The following NLRC5 variants were observed in gnomAD, a reference collection of about 807,000 sequenced individuals.
The protein encoded by NLRC5 is protein NLRC5.
NLRC5 carries 114 observed loss-of-function variants against 206.9 expected under a neutral mutation model. That is an observed-to-expected ratio of 0.55 (90% CI 0.47 to 0.64). The LOEUF (loss-of-function observed/expected upper bound fraction) is 0.64. NLRC5 is among the 30% of genes least tolerant of loss of function. NLRC5 has a pLI of 0.00. For missense variants in NLRC5, 2,008 were observed against 2,305.5 expected, an observed-to-expected ratio of 0.87 and a Z score of 2.64; for synonymous variants, 952 against 962.8, an observed-to-expected ratio of 0.99 and a Z score of 0.21.
chr16:57,030,345 T>TG lies in NLRC5; in HGVS notation c.2417+262dup, dbSNP rs1170011508. Among the ~76,000 whole-genome samples, 9 of 123,744 alleles carry TG rather than the reference T, an allele frequency of 7.3e-5. No individual in the cohort carries two copies. In the Admixed American group the frequency reaches 7.4e-4, roughly 10 times the overall value. The allele number at this position is 123,744 out of a possible 152,430, so 81.2% of individuals were successfully genotyped here. ...ATGGGTGGATGAAAAGATGGATGGA[T>TG]GAATGGATGGCTGAAAAGATGGATG... On this transcript the variant is annotated intron_variant, in intron 10 of 48. Transcript: ENST00000688547.
At position 57,074,615 on chromosome 16, in the gene NLRC5, G is replaced by A; in HGVS notation, c.4683G>A (p.Leu1561=). The part of the protein sequence containing the change: ...MLKRLDLSHL[L]LNSSTLALLT... ...TCTTCTCCAGCCTCAGTCACCTTCT[G>A]CTGAACAGCTCCACCTTGGCCTTGC... Residue 1561 remains leucine, a synonymous_variant, in exon 39 of 49, where the codon CTG becomes CTA. Coordinates refer to ENST00000688547, the MANE Select transcript of NLRC5 (RefSeq NM_001384950.1). The A allele has an allele frequency of 6.2e-7, 1 of 1,613,906 alleles. No homozygotes were observed. The highest frequency in any genetic ancestry group is 8.5e-7 in the Non-Finnish European group (1 of 1,179,838).
chr16:57,020,690 T>C lies in NLRC5; in HGVS notation c.-12-11T>C. The C allele has an allele frequency of 6.4e-7, 1 of 1,554,104 alleles. No homozygotes were observed. On this transcript the variant is annotated splice_polypyrimidine_tract_variant and intron_variant, in intron 2 of 48. Transcript: ENST00000688547. The stretch of plus-strand genomic sequence containing the variant: ...TCCCCCTCAACTCACCTATCTTCCC[T>C]GTCCCTCCAGGGCTGGCTCCTCATG...
chr16:57,036,387 T>C (rs1203153884), intron 14 of NLRC5, among the ~76,000 whole-genome samples: 1 of 152,206 alleles, frequency 6.6e-6, no homozygotes, highest in African/African-American at 2.4e-5. Flanking sequence ...CTAGCACCCT[T>C]ACATGTGTAA....
chr16:57,023,727 A>C, intron 4 of NLRC5, 58 bp from the exon 5 acceptor site: 158 of 1,445,226 alleles, frequency 1.1e-4, no homozygotes, highest in Non-Finnish European at 1.4e-4. Flanking sequence ...GGTTCTGGGT[A>C]ACCCCTCAGC....
At chr16:57,021,098 G>T in intron 3 of NLRC5, 91 bp downstream of exon 3, 1 of 1,185,528 alleles carries the variant, frequency 8.4e-7, no homozygotes. Flanking sequence ...CTAAGTCAGA[G>T]AGAGGGTGTA....
At chr16:57,080,118 G>A (rs879727190) in intron 46 of NLRC5, among the ~76,000 whole-genome samples, 3 of 152,194 alleles carry the variant, frequency 2.0e-5, no homozygotes, top group African/African-American at 7.2e-5. Flanking sequence ...TGCCTCATGA[G>A]TAAACTAGAA....
intron 27 of NLRC5, among the ~76,000 whole-genome samples, chr16:57,055,763 C>T (rs2065575599): frequency 6.6e-6 from 1 of 152,200 alleles, no homozygotes; most frequent in South Asian, 2.1e-4. Flanking sequence ...TTGGGCAGCC[C>T]TCAGCCTCAA....
intron 23 of NLRC5, chr16:57,048,116 C>A (rs1297168097): frequency 6.3e-6 from 1 of 157,604 alleles, no homozygotes; most frequent in African/African-American, 2.4e-5. Flanking sequence ...ACTCCCCGGG[C>A]CTCAGCTTCT....
rs368696303 is a variant in NLRC5, at chr16:57,027,989, C to T, written c.2076-83C>T. 3 of 848,794 alleles carry T rather than the reference C, an allele frequency of 3.5e-6. No individual in the cohort carries two copies. In the Middle Eastern group the frequency reaches 6.8e-4, roughly 192 times the overall value. 52.6% of individuals were successfully genotyped at this position (848,794 alleles called of 1,614,324 possible). A position where few individuals can be genotyped will look rare whatever the true frequency, so the allele number is the denominator to read the frequency against. ...TATTTGTTAGTACTACTGTATTAAGCCCCATCTCTCTGAGGGGATGGCGAT... is the reference window on the plus strand; with the variant it reads ...TATTTGTTAGTACTACTGTATTAAGTCCCATCTCTCTGAGGGGATGGCGAT... On this transcript the variant is annotated intron_variant, in intron 6 of 48. Coordinates refer to ENST00000688547, the MANE Select transcript of NLRC5 (RefSeq NM_001384950.1).
At chr16:57,061,793 C>T (rs1240814950) in intron 32 of NLRC5, 92 bp downstream of exon 32, 2 of 1,546,960 alleles carry the variant, frequency 1.3e-6, no homozygotes, top group Non-Finnish European at 1.7e-6. Context: ...GATCATGGCC[C>T]CAGTCATTTC....
chr16:57,002,135 T>C (rs2058328086), intron 1 of NLRC5, among the ~76,000 whole-genome samples: 1 of 152,252 alleles, frequency 6.6e-6, no homozygotes, highest in Non-Finnish European at 1.5e-5. Flanking sequence ...TGCCACATTT[T>C]CTTTTACTCT....
chr16:57,062,410 A>T, intron 32 of NLRC5: 1 of 307,128 alleles, frequency 3.3e-6, no homozygotes, highest in Non-Finnish European at 6.3e-6. Flanking sequence ...TTTGCACGGG[A>T]TGGCGATGGT....
rs367852954 is a variant in NLRC5, at chr16:57,077,338, A to T, written c.4878A>T (p.Leu1626Phe). ...TTGGAGACGCTGGTGTCCAGCACTT[A>T]GCTACCATCCTGCCTGGGCTGCCAG... ...NQIGDAGVQH[L>F]ATILPGLPEL... is the part of the protein sequence containing the mutation. The change falls in exon 41 of 49, where the codon TTA (leucine) becomes TTT (phenylalanine). Residue 1626 changes from leucine to phenylalanine, a missense_variant. Transcript: ENST00000688547. 44 of 1,613,946 alleles carry T rather than the reference A, an allele frequency of 2.7e-5. No homozygotes were observed. The highest frequency in any genetic ancestry group is 3.6e-5 in the Non-Finnish European group (43 of 1,179,998).
rs1337251125 is a variant in NLRC5 at position 57,082,583 on chromosome 16, C to G, written c.*55C>G. The G allele has an allele frequency of 3.0e-6, 4 of 1,312,882 alleles. No individual in the cohort carries two copies. The highest frequency in any genetic ancestry group is 4.4e-6 in the Non-Finnish European group (4 of 916,106). 81.3% of individuals were successfully genotyped at this position (1,312,882 alleles called of 1,614,324 possible). A position where few individuals can be genotyped will look rare whatever the true frequency, so the allele number is the denominator to read the frequency against. ...CAAGTGATGCACCCAAATGATCCAC[C>G]TTTCGCCCACTGGGATAATTGACTC... On this transcript the variant is annotated 3_prime_UTR_variant, in exon 49 of 49. Coordinates refer to ENST00000688547, the MANE Select transcript of NLRC5 (RefSeq NM_001384950.1).
At chr16:57,002,645 G>GTTTTTTTTTT (rs61167610) in intron 1 of NLRC5, among the ~76,000 whole-genome samples, 2 of 94,736 alleles carry the variant, frequency 2.1e-5, no homozygotes, top group African/African-American at 3.9e-5. Context: ...GTTTTTTTTT[G>GTTTTTTTTTT]TTTTTTTTTT....
intron 23 of NLRC5, among the ~76,000 whole-genome samples, chr16:57,050,180 G>A (rs2064680769): frequency 6.6e-6 from 1 of 152,076 alleles, no homozygotes; most frequent in African/African-American, 2.4e-5. Flanking sequence ...GGGTCTGGTG[G>A]GACACCATAC....
At chr16:56,996,304 A>C (rs2057605130) in intron 1 of NLRC5, among the ~76,000 whole-genome samples, 1 of 152,016 alleles carries the variant, frequency 6.6e-6, no homozygotes, top group African/African-American at 2.4e-5. Context: ...CAGCCTCCCA[A>C]GTAGATGGGA....
intron 46 of NLRC5, among the ~76,000 whole-genome samples, chr16:57,080,481 ATTT>A (rs34595999): frequency 3.6e-5 from 4 of 111,168 alleles, no homozygotes; most frequent in African/African-American, 1.4e-4. Context: ...TCCTTTCAAG[ATTT>A]TTTTTTTTTT....
chr16:57,058,104 C>T lies in NLRC5; in HGVS notation c.3786C>T (p.Cys1262=). ...TGCTGGGCGACAGCGGACTCAGATGCCTTCTGGAATGTCTGCCGCAGGTGC... is the reference window on the plus strand; with the variant it reads ...TGCTGGGCGACAGCGGACTCAGATGTCTTCTGGAATGTCTGCCGCAGGTGC... ...ANLLGDSGLR[C]LLECLPQVPI... is the part of the protein sequence containing the mutation. Residue 1262 remains cysteine (C), a synonymous_variant, in exon 28 of 49, where the codon TGC becomes TGT. Transcript: ENST00000688547. 6.2e-7 allele frequency: 1 copy of T among 1,612,562 alleles called. No individual in the cohort carries two copies. Among genetic ancestry groups the T allele is most frequent in the African/African-American group, 1.3e-5 (1 of 75,002 alleles).
Sources: gnomAD v4.1 joint callset for allele counts (sites outside exome capture counted in the v4.1 genomes callset) on GRCh38, gnomAD v4.1.1 for gene constraint, MANE v1.5 for transcripts, NCBI Gene and HGNC (gene_info 2026-07-23, HGNC 2026-07-21) for gene names.